Variants in RHOA observed in about 807,000 individuals in gnomAD.
RHOA encodes transforming protein RhoA.
Under a neutral mutation model 17.5 loss-of-function variants are expected in RHOA, and 3 were observed. The ratio of observed to expected loss-of-function variants is 0.17; its 90% CI spans 0.08 to 0.44. The LOEUF (loss-of-function observed/expected upper bound fraction) is 0.44, where lower values mean the gene tolerates loss of function less well. Ranked by LOEUF, RHOA falls within the 20% of genes least tolerant of loss-of-function variation. The pLI is 0.99. For missense variants in RHOA, 56 were observed against 242.3 expected (o/e 0.23, Z 5.10); for synonymous variants, 98 against 88.4 (o/e 1.11, Z -0.61).
intron 3 of RHOA, chr3:49,365,080 C>G (rs2048033630): frequency 6.6e-6 from 1 of 151,538 alleles, no homozygotes; most frequent in Non-Finnish European, 1.5e-5. Context: ...TTGTTATTTT[C>G]TGATTTACTT....
chr3:49,383,938 G>T (rs971611608), intron 1 of RHOA, among the ~76,000 whole-genome samples: 1 of 152,144 alleles, frequency 6.6e-6, no homozygotes, highest in Admixed American at 6.6e-5. Context: ...GCTGAGGCAC[G>T]AGAATCACTT....
chr3:49,376,989 G>A (rs988023444), intron 1 of RHOA, among the ~76,000 whole-genome samples: 4 of 152,108 alleles, frequency 2.6e-5, no homozygotes, highest in East Asian at 1.9e-4. Context: ...TTAGCCAGGC[G>A]TGGTGGCACA....
At chr3:49,365,360 G>C (rs2048038848) in intron 3 of RHOA, 1 of 152,012 alleles carries the variant, frequency 6.6e-6, no homozygotes, top group South Asian at 2.1e-4. Flanking sequence ...GGACAGGCTG[G>C]TCTTGAACTC....
intron 1 of RHOA, among the ~76,000 whole-genome samples, chr3:49,375,924 T>G (rs1379397300): frequency 6.6e-6 from 1 of 152,082 alleles, no homozygotes; most frequent in Non-Finnish European, 1.5e-5. Flanking sequence ...CTCAGTTCAC[T>G]GCAACCTCCA....
intron 1 of RHOA, among the ~76,000 whole-genome samples, chr3:49,398,383 A>G (rs2048655138): frequency 6.6e-6 from 1 of 152,026 alleles, no homozygotes; most frequent in South Asian, 2.1e-4. Context: ...ACCAGGGCTG[A>G]GATTTTGCCA....
chr3:49,375,362 C>T (rs2107848674), intron 2 of RHOA, 72 bp downstream of exon 2: 1 of 1,461,466 alleles, frequency 6.8e-7, no homozygotes, highest in Non-Finnish European at 9.2e-7. Context: ...GCAAAAAGCT[C>T]TAATTCTCTA....
intron 1 of RHOA, among the ~76,000 whole-genome samples, chr3:49,382,227 G>A (rs1441574549): frequency 6.6e-6 from 1 of 152,036 alleles, no homozygotes; most frequent in Non-Finnish European, 1.5e-5. Context: ...GCTGAGGCAT[G>A]AGAATGGGGT....
chr3:49,368,629 C>A, intron 2 of RHOA, 81 bp from the exon 3 acceptor site: 1 of 1,469,236 alleles, frequency 6.8e-7, no homozygotes, highest in Non-Finnish European at 9.4e-7. Context: ...TACCATAGTA[C>A]ATTGAAATGG....
Position 49,402,027 on chromosome 3 carries a change from C to T in RHOA, c.-3+9793G>A, listed in dbSNP as rs558225502. ...CAGGAATAAGGCACATGGTGGTAAG[C>T]AATGAAGAAAACCTTCAATTTACTG... On this transcript the variant is annotated intron_variant, in intron 1 of 4. Coordinates refer to ENST00000418115, the MANE Select transcript of RHOA (RefSeq NM_001664.4). 9.9e-5 allele frequency among the ~76,000 whole-genome samples: 15 copies of T among 152,196 alleles called. No individual in the cohort carries two copies. In the East Asian group the frequency reaches 2.5e-3, roughly 25 times the overall value.
At chr3:49,384,535 G>T (rs1443136363) in intron 1 of RHOA, among the ~76,000 whole-genome samples, 1 of 151,594 alleles carries the variant, frequency 6.6e-6, no homozygotes, top group Admixed American at 6.6e-5. Flanking sequence ...TTGAGACAGG[G>T]TCTCACTGTC....
intron 2 of RHOA, among the ~76,000 whole-genome samples, chr3:49,372,425 C>G (rs1172945127): frequency 1.3e-5 from 2 of 152,150 alleles, no homozygotes; most frequent in Non-Finnish European, 2.9e-5. Context: ...TCGTGGCTCA[C>G]TCTGTATTTG....
At chr3:49,379,212 A>G (rs754324592) in intron 1 of RHOA, among the ~76,000 whole-genome samples, 4 of 152,196 alleles carry the variant, frequency 2.6e-5, no homozygotes, top group Non-Finnish European at 5.9e-5. Flanking sequence ...TAAAGGATAA[A>G]GTACTGATAT....
At chr3:49,401,112 T>C (rs2107900572) in intron 1 of RHOA, among the ~76,000 whole-genome samples, 1 of 148,534 alleles carries the variant, frequency 6.7e-6, no homozygotes, top group Non-Finnish European at 1.5e-5. Context: ...CCCAAATTAC[T>C]AATATTAGAC....
At chr3:49,389,640 C>A (rs1004923235) in intron 1 of RHOA, among the ~76,000 whole-genome samples, 3 of 152,084 alleles carry the variant, frequency 2.0e-5, no homozygotes, top group African/African-American at 2.4e-5. Context: ...TAACAACTTA[C>A]AATAAATAAA....
rs1553636256 is a variant in RHOA at position 49,404,433 on chromosome 3, A to ACACACACACACACACAC, written c.-3+7386_-3+7387insGTGTGTGTGTGTGTGTG. On this transcript the variant is annotated intron_variant, in intron 1 of 4. Coordinates refer to ENST00000418115, the MANE Select transcript of RHOA (RefSeq NM_001664.4). Reference sequence around the variant, plus strand: ...CAAAGTAAAACCCCGTCTCTAGTAAAACACACACACACACACACACACACA... The same window carrying ACACACACACACACACAC: ...CAAAGTAAAACCCCGTCTCTAGTAAACACACACACACACACACACACACACACACACACACACACACA... Among the ~76,000 whole-genome samples the ACACACACACACACACAC allele has an allele frequency of 1.7e-3, 150 of 90,726 alleles. 8 individuals are homozygous for ACACACACACACACACAC. Among genetic ancestry groups the ACACACACACACACACAC allele is most frequent in the East Asian group, 0.013 (24 of 1,820 alleles). 59.5% of individuals were successfully genotyped at this position (90,726 alleles called of 152,430 possible). A position where few individuals can be genotyped will look rare whatever the true frequency, so the allele number is the denominator to read the frequency against.
chr3:49,371,226 G>C (rs747962203), intron 2 of RHOA, among the ~76,000 whole-genome samples: 1 of 151,496 alleles, frequency 6.6e-6, no homozygotes, highest in Non-Finnish European at 1.5e-5. Context: ...CCTACTCTTG[G>C]TACCATGATC....
chr3:49,379,313 T>C (rs1045998095), intron 1 of RHOA, among the ~76,000 whole-genome samples: 1 of 152,100 alleles, frequency 6.6e-6, no homozygotes, highest in Non-Finnish European at 1.5e-5. Flanking sequence ...TTATATAAAA[T>C]TGTCCAGAAT....
intron 1 of RHOA, among the ~76,000 whole-genome samples, chr3:49,407,601 TCTACTC>T (rs1420447208): frequency 1.3e-5 from 2 of 152,168 alleles, no homozygotes; most frequent in Non-Finnish European, 2.9e-5. Flanking sequence ...TGGAATTAGA[TCTACTC>T]CTACTCACAG....
rs1575666587 is a variant in RHOA, at chr3:49,389,923, T to A, written c.-2-14332A>T. 4.2e-5 allele frequency among the ~76,000 whole-genome samples: 4 copies of A among 96,082 alleles called. No homozygotes were observed. In the South Asian group the frequency reaches 1.1e-3, roughly 27 times the overall value. The allele number at this position is 96,082 out of a possible 152,430, so 63.0% of individuals were successfully genotyped here. ...CTGCACTCCAGCCTGGGCAACAGAG[T>A]GAGACTCCACCTCAAAAAAAAAAAA... is the stretch of plus-strand genomic sequence containing the variant. On this transcript the variant is annotated intron_variant, in intron 1 of 4. Transcript: ENST00000418115.
Sources: allele counts gnomAD v4.1 joint callset (sites outside exome capture counted in the v4.1 genomes callset), GRCh38; gene constraint gnomAD v4.1.1; transcripts MANE v1.5; gene names NCBI Gene and HGNC (gene_info 2026-07-23, HGNC 2026-07-21).